The following ZFHX3 variants were observed in gnomAD, a reference collection of about 807,000 sequenced individuals.
ZFHX3 encodes the protein zinc finger homeobox 3.
ZFHX3 carries 42 observed loss-of-function variants against 279.1 expected under a neutral mutation model. That is an observed-to-expected ratio of 0.15 (90% confidence interval 0.12 to 0.19). The LOEUF (loss-of-function observed/expected upper bound fraction) is 0.19. Among genes scored for constraint, ZFHX3 ranks in the 10% least tolerant of loss-of-function variants. The pLI is 1.00. For missense variants in ZFHX3, 4,981 were observed against 4,754.0 expected (o/e 1.05, Z -1.40); for synonymous variants, 2,293 against 1,957.8 (o/e 1.17, Z -4.52).
chr16:73,231,750 T>C (rs2012780736), intron 5 of ZFHX3, among the ~76,000 whole-genome samples: 1 of 152,192 alleles, frequency 6.6e-6, no homozygotes, highest in Non-Finnish European at 1.5e-5. Flanking sequence ...CAGTTCTCGT[T>C]AAATTCCATT....
chr16:73,295,794 A>C (rs1446194879), intron 4 of ZFHX3, among the ~76,000 whole-genome samples: 3 of 152,314 alleles, frequency 2.0e-5, no homozygotes, highest in Non-Finnish European at 4.4e-5. Context: ...AGGGATGGTA[A>C]GGATGGAAGA....
chr16:73,823,832 C>T (rs1334639265), intron 1 of ZFHX3, among the ~76,000 whole-genome samples: 1 of 152,200 alleles, frequency 6.6e-6, no homozygotes, highest in African/African-American at 2.4e-5. Flanking sequence ...CTCACACCTG[C>T]AAGAAACAAA....
chr16:73,678,708 C>T (rs962665911), intron 2 of ZFHX3, among the ~76,000 whole-genome samples: 1 of 152,052 alleles, frequency 6.6e-6, no homozygotes. Flanking sequence ...AAACAAATAG[C>T]CCAGCACCAC....
intron 4 of ZFHX3, among the ~76,000 whole-genome samples, chr16:72,854,162 A>G (rs1324289051): frequency 6.6e-6 from 1 of 152,228 alleles, no homozygotes; most frequent in Non-Finnish European, 1.5e-5. Context: ...CATGTTTTCT[A>G]TGCCATAAAG....
Position 72,787,882 on chromosome 16 carries a change from A to G in ZFHX3, c.10394T>C (p.Leu3465Ser), listed in dbSNP as rs1156701444. 2 of 1,613,948 alleles carry G rather than the reference A, an allele frequency of 1.2e-6. No homozygotes were observed. Among genetic ancestry groups the G allele is most frequent in the Non-Finnish European group, 1.7e-6 (2 of 1,179,986 alleles). Residue 3465 changes from leucine to serine, a missense_variant, in exon 10 of 10, where the codon TTG becomes TCG. Leu to Ser is a moderately radical substitution (Grantham distance 145). This residue lies in a region of ZFHX3 where 1,034 missense variants were observed against 786.0 expected (regional missense o/e 1.32). Coordinates refer to ENST00000268489, the MANE Select transcript of ZFHX3 (RefSeq NM_006885.4). Reference sequence around the variant, plus strand: ...GCCCGCCTGGCACTTGCGGCAGACCAACTTGTACTGCACCTTTGGAACAAT... The same window carrying G: ...GCCCGCCTGGCACTTGCGGCAGACCGACTTGTACTGCACCTTTGGAACAAT... ...PFIVPKVQYK[L>S]VCRKCQAGFS...
At chr16:73,393,415 C>T (rs2017059918) in intron 3 of ZFHX3, among the ~76,000 whole-genome samples, 1 of 152,184 alleles carries the variant, frequency 6.6e-6, no homozygotes, top group Non-Finnish European at 1.5e-5. Context: ...CTCCCCTTTC[C>T]TCCATACAAA....
At chr16:73,522,201 T>A (rs948499664) in intron 2 of ZFHX3, among the ~76,000 whole-genome samples, 1 of 152,218 alleles carries the variant, frequency 6.6e-6, no homozygotes, top group Non-Finnish European at 1.5e-5. Flanking sequence ...TGGGAACTGA[T>A]AAATCAGAAA....
At chr16:73,765,425 T>A (rs1008516900) in intron 1 of ZFHX3, among the ~76,000 whole-genome samples, 1 of 152,210 alleles carries the variant, frequency 6.6e-6, no homozygotes, top group Non-Finnish European at 1.5e-5. Flanking sequence ...CTGATCTAAC[T>A]ACCTGTGAAG....
chr16:73,172,165 G>C lies in ZFHX3; in HGVS notation c.-1103-28334C>G, dbSNP rs138400193. 5.1e-4 allele frequency among the ~76,000 whole-genome samples: 77 copies of C among 152,302 alleles called. 3 individuals are homozygous for C. The East Asian group carries it at 9.7e-3, about 19-fold the overall frequency. On this transcript the variant is annotated intron_variant, in intron 5 of 17. Coordinates refer to the ZFHX3 transcript ENST00000641206. ...GAAAAGAGCATGTTCGGCCTTTTGA[G>C]AGGTTATGGACACTCTGAGTGACAC...
intron 3 of ZFHX3, among the ~76,000 whole-genome samples, chr16:73,345,571 C>T (rs537825347): frequency 1.3e-5 from 2 of 152,248 alleles, no homozygotes; most frequent in East Asian, 1.9e-4. Flanking sequence ...GACATGATCT[C>T]GTTCCTTTTT....
intron 3 of ZFHX3, among the ~76,000 whole-genome samples, chr16:73,352,703 T>A (rs1172555145): frequency 7.2e-5 from 11 of 152,034 alleles, no homozygotes; most frequent in Non-Finnish European, 1.5e-4. Context: ...CAGGCTTCAA[T>A]ACTCATCAAG....
intron 1 of ZFHX3, among the ~76,000 whole-genome samples, chr16:73,718,005 T>C (rs985551287): frequency 5.9e-5 from 9 of 152,212 alleles, no homozygotes; most frequent in Non-Finnish European, 1.3e-4. Flanking sequence ...TGGTGCTTCC[T>C]TGAAAGGATG....
At chr16:73,216,187 T>C (rs972113648) in intron 5 of ZFHX3, among the ~76,000 whole-genome samples, 1 of 152,246 alleles carries the variant, frequency 6.6e-6, no homozygotes, top group African/African-American at 2.4e-5. Flanking sequence ...CACAGCATTA[T>C]TGTGGCAGTC....
chr16:72,926,250 T>C (rs931971229), intron 3 of ZFHX3, among the ~76,000 whole-genome samples: 5 of 152,222 alleles, frequency 3.3e-5, no homozygotes, highest in Admixed American at 3.3e-4. Flanking sequence ...TAATTGCCCA[T>C]AGTAACCAAC....
At chr16:73,313,677 C>T (rs2015379837) in intron 4 of ZFHX3, among the ~76,000 whole-genome samples, 1 of 152,098 alleles carries the variant, frequency 6.6e-6, no homozygotes, top group Non-Finnish European at 1.5e-5. Flanking sequence ...TGTCATTTTC[C>T]CAGTCATAAA....
At chr16:73,016,484 G>A (rs1964108345) in intron 1 of ZFHX3, among the ~76,000 whole-genome samples, 1 of 152,012 alleles carries the variant, frequency 6.6e-6, no homozygotes, top group African/African-American at 2.4e-5. Context: ...GTCCCAAGAA[G>A]GGTAATTCAA....
At chr16:73,681,244 G>T (rs1159376928) in intron 1 of ZFHX3, among the ~76,000 whole-genome samples, 1 of 152,138 alleles carries the variant, frequency 6.6e-6, no homozygotes, top group African/African-American at 2.4e-5. Flanking sequence ...ATTTTAATAG[G>T]TGACAATTGT....
At chr16:72,803,825 A>G (rs967199533) in intron 7 of ZFHX3, among the ~76,000 whole-genome samples, 5 of 152,242 alleles carry the variant, frequency 3.3e-5, no homozygotes, top group Admixed American at 3.3e-4. Flanking sequence ...AGAAAATTCA[A>G]CTGATTACAG....
At chr16:72,924,796 C>T (rs376940822) in intron 3 of ZFHX3, among the ~76,000 whole-genome samples, 2 of 152,226 alleles carry the variant, frequency 1.3e-5, no homozygotes, top group African/African-American at 2.4e-5. Context: ...CGTTCACTCT[C>T]GTTTAGCCCC....
Sources: gnomAD v4.1 joint callset for allele counts (sites outside exome capture counted in the v4.1 genomes callset) on GRCh38, gnomAD v4.1.1 for gene constraint, gnomAD v4.1.1 regional missense constraint, MANE v1.5 for transcripts, NCBI Gene and HGNC (gene_info 2026-07-23, HGNC 2026-07-21) for gene names.